Variants in RAB11FIP2 observed in about 807,000 individuals in gnomAD.
RAB11FIP2 encodes the protein RAB11 family interacting protein 2, also known as rab11 family-interacting protein 2.
Under a neutral mutation model 40.9 loss-of-function variants are expected in RAB11FIP2, and 16 were observed. The observed-to-expected ratio is 0.39, with a 90% confidence interval of 0.26 to 0.59. The LOEUF (loss-of-function observed/expected upper bound fraction) is 0.59. Among genes scored for constraint, RAB11FIP2 ranks in the 20% least tolerant of loss-of-function variants. The pLI is 0.53. For missense variants in RAB11FIP2, 532 were observed against 606.2 expected (o/e 0.88, Z 1.28); for synonymous variants, 228 against 213.7 (o/e 1.07, Z -0.58).
intron 3 of RAB11FIP2, among the ~76,000 whole-genome samples, chr10:118,033,333 G>C (rs886203579): frequency 6.6e-6 from 1 of 152,132 alleles, no homozygotes; most frequent in Non-Finnish European, 1.5e-5. Context: ...ATCTCCAGGA[G>C]CCCTTGATGA....
intron 3 of RAB11FIP2, among the ~76,000 whole-genome samples, chr10:118,019,051 A>T (rs1270419359): frequency 6.6e-6 from 1 of 152,108 alleles, no homozygotes. Context: ...AAGAACAAAG[A>T]TCTATTAAAA....
At chr10:118,038,182 C>T (rs2133180948) in intron 3 of RAB11FIP2, among the ~76,000 whole-genome samples, 2 of 151,768 alleles carry the variant, frequency 1.3e-5, no homozygotes, top group Middle Eastern at 6.8e-3. Context: ...TCATCGTTTA[C>T]TTCTGTAAAA....
At chr10:118,015,251 T>C (rs1268560811) in intron 3 of RAB11FIP2, 141 bp from the exon 4 acceptor site, 2 of 556,964 alleles carry the variant, frequency 3.6e-6, no homozygotes, top group African/African-American at 2.0e-5. Flanking sequence ...ATCCAAGAAG[T>C]AGAAAAAAAT....
chr10:118,009,261 T>C, intron 4 of RAB11FIP2, 36 bp from the exon 5 acceptor site: 3 of 1,535,018 alleles, frequency 2.0e-6, no homozygotes, highest in Non-Finnish European at 2.7e-6. Flanking sequence ...TTCATAGATA[T>C]AACATCTGGG....
At chr10:118,021,171 C>A (rs2133168185) in intron 3 of RAB11FIP2, among the ~76,000 whole-genome samples, 1 of 152,264 alleles carries the variant, frequency 6.6e-6, no homozygotes, top group Middle Eastern at 3.4e-3. Flanking sequence ...AATTATTTTC[C>A]ATTTAGGATT....
chr10:118,021,104 G>C (rs1048669127), intron 3 of RAB11FIP2, among the ~76,000 whole-genome samples: 1 of 151,580 alleles, frequency 6.6e-6, no homozygotes, highest in Non-Finnish European at 1.5e-5. Context: ...ACAAACTCCT[G>C]GCCTTCATTT....
chr10:118,031,277 A>G (rs1484534686), intron 3 of RAB11FIP2, among the ~76,000 whole-genome samples: 2 of 152,168 alleles, frequency 1.3e-5, no homozygotes, highest in Non-Finnish European at 2.9e-5. Flanking sequence ...ACATTATAAA[A>G]ATGAAGGTTT....
At chr10:118,043,346 C>G (rs1305570359) in intron 1 of RAB11FIP2, 1 of 152,004 alleles carries the variant, frequency 6.6e-6, no homozygotes, top group African/African-American at 2.4e-5. Context: ...TCACCTACTT[C>G]TATTGTAAAA....
chr10:118,043,512 C>T (rs765848133), intron 1 of RAB11FIP2: 1 of 152,142 alleles, frequency 6.6e-6, no homozygotes, highest in African/African-American at 2.4e-5. Context: ...AGGGTTCTGG[C>T]TCAGACCCTT....
chr10:118,042,535 T>C (rs1846573956), intron 1 of RAB11FIP2, among the ~76,000 whole-genome samples: 3 of 152,182 alleles, frequency 2.0e-5, no homozygotes, highest in Admixed American at 1.3e-4. Context: ...GGCTGGCACA[T>C]ACTGCAGGAC....
rs1014308681 is a variant in RAB11FIP2, at chr10:118,035,256, T to C, written c.1265+3716A>G. Among the ~76,000 whole-genome samples, 4 of 152,282 alleles carry C rather than the reference T, an allele frequency of 2.6e-5. No individual in the cohort carries two copies. In the East Asian group the frequency reaches 7.7e-4, roughly 29 times the overall value. ...TGTGACAAGAGTGAGCAATAAACTT[T>C]TGCTGTGATAAGCCACTGATACCGT... On this transcript the variant is annotated intron_variant, in intron 3 of 4. Transcript: ENST00000355624.
chr10:118,019,823 C>T (rs967810335), intron 3 of RAB11FIP2, among the ~76,000 whole-genome samples: 1 of 143,182 alleles, frequency 7.0e-6, no homozygotes, highest in African/African-American at 2.6e-5. Flanking sequence ...GAGACTCTGC[C>T]TCAAAGAAAA....
chr10:118,016,966 C>A (rs1302404393), intron 3 of RAB11FIP2, among the ~76,000 whole-genome samples: 1 of 152,190 alleles, frequency 6.6e-6, no homozygotes, highest in Non-Finnish European at 1.5e-5. Flanking sequence ...ATAATTATTT[C>A]ATAAACTTTT....
chr10:118,034,424 T>C (rs1270771561), intron 3 of RAB11FIP2, among the ~76,000 whole-genome samples: 2 of 152,144 alleles, frequency 1.3e-5, no homozygotes, highest in Admixed American at 1.3e-4. Context: ...ATTTCCACTT[T>C]TAAGTGAAAA....
intron 3 of RAB11FIP2, among the ~76,000 whole-genome samples, chr10:118,027,415 T>C (rs1191814077): frequency 6.6e-6 from 1 of 152,226 alleles, no homozygotes; most frequent in Non-Finnish European, 1.5e-5. Flanking sequence ...GAATCAAATA[T>C]TAAATTATGT....
chr10:118,031,563 GA>G (rs904421411), intron 3 of RAB11FIP2, among the ~76,000 whole-genome samples: 35 of 152,076 alleles, frequency 2.3e-4, no homozygotes, highest in African/African-American at 7.7e-4. Context: ...AAAGAAGGAA[GA>G]GGGGGAGAAT....
In RAB11FIP2 at chr10:118,009,129, T is replaced by G. The variant is rs1398001803; in HGVS notation, c.1408A>C (p.Lys470Gln). 6.2e-7 allele frequency: 1 copy of G among 1,613,644 alleles called. No homozygotes were observed. The highest frequency in any genetic ancestry group is 2.2e-5 in the East Asian group (1 of 44,866). Residue 470 changes from lysine (K) to glutamine (Q), a missense_variant, in exon 5 of 5, where the codon AAA becomes CAA. Coordinates refer to ENST00000355624, the MANE Select transcript of RAB11FIP2 (RefSeq NM_014904.3). ...TCGAGTTCCCGGATGTGGGTGTCTT[T>G]CCTCCTAAGGAGTTCTTTGTGTTTC... ...LVKHKELLRR[K>Q]DTHIRELEDY...
At chr10:118,033,088 C>A (rs893395259) in intron 3 of RAB11FIP2, among the ~76,000 whole-genome samples, 1 of 151,880 alleles carries the variant, frequency 6.6e-6, no homozygotes, top group Non-Finnish European at 1.5e-5. Context: ...AAAAAAAACA[C>A]AGGATATATA....
intron 3 of RAB11FIP2, chr10:118,018,286 T>C (rs1846245308): frequency 6.6e-6 from 1 of 152,242 alleles, no homozygotes; most frequent in Non-Finnish European, 1.5e-5. Context: ...AAAAATAAAA[T>C]GTCTCTATTT....
Sources: allele counts gnomAD v4.1 joint callset (sites outside exome capture counted in the v4.1 genomes callset), GRCh38; gene constraint gnomAD v4.1.1; transcripts MANE v1.5; gene names NCBI Gene and HGNC (gene_info 2026-07-23, HGNC 2026-07-21).